COL5A1: variants seen among roughly 807,000 people sequenced by gnomAD.
COL5A1 encodes the protein collagen alpha-1(V) chain.
A neutral mutation model predicts 263.7 loss-of-function variants in COL5A1; 16 were observed. That is an observed-to-expected ratio of 0.06 (90% CI 0.04 to 0.09). COL5A1 has a LOEUF of 0.09. COL5A1 is among the 10% of genes least tolerant of loss of function. The probability of loss-of-function intolerance (pLI) is 1.00; values close to 1 mark genes in which losing one functional copy is unlikely to be tolerated. For synonymous variants in COL5A1, 1,012 were observed against 1,004.5 expected, an observed-to-expected ratio of 1.01 and a Z score of -0.14; for missense variants, 2,036 against 2,540.5, an observed-to-expected ratio of 0.80 and a Z score of 4.27.
At chr9:134,734,129 G>A (rs1835007563) in intron 9 of COL5A1, among the ~76,000 whole-genome samples, 1 of 152,172 alleles carries the variant, frequency 6.6e-6, no homozygotes, top group Non-Finnish European at 1.5e-5. Flanking sequence ...GGAGTGTGGG[G>A]TGGGCACAGG....
chr9:134,762,038 C>A, intron 19 of COL5A1, 60 bp downstream of exon 19: 1 of 1,566,200 alleles, frequency 6.4e-7, no homozygotes, highest in Non-Finnish European at 8.8e-7. Context: ...GTGATTTGGG[C>A]AGGAAAACCA....
Position 134,758,090 on chromosome 9 carries a change from T to G in COL5A1, c.1882-153T>G, listed in dbSNP as rs976201693. ...AGATTGTAGATGCAAAGTGGGGGCCTATGGGGAGAGGGCTGGCCGATGGGG... is the reference window on the plus strand; with the variant it reads ...AGATTGTAGATGCAAAGTGGGGGCCGATGGGGAGAGGGCTGGCCGATGGGG... On this transcript the variant is annotated intron_variant, in intron 17 of 65. Coordinates refer to ENST00000371817, the MANE Select transcript of COL5A1 (RefSeq NM_000093.5). This position sits in a 1 kb window ranked among gnomAD's most constrained non-coding sequence, Gnocchi z 4.1. Among the ~76,000 whole-genome samples, 3 of 152,070 alleles carry G rather than the reference T, an allele frequency of 2.0e-5. No individual in the cohort carries two copies. The highest frequency in any genetic ancestry group is 7.2e-5 in the African/African-American group (3 of 41,412).
At chr9:134,748,801 A>G (rs1338948899) in intron 11 of COL5A1, among the ~76,000 whole-genome samples, 3 of 152,208 alleles carry the variant, frequency 2.0e-5, no homozygotes, top group Non-Finnish European at 2.9e-5. Flanking sequence ...ACTGGAACCA[A>G]TCCAACGTGC....
At chr9:134,775,492 T>C (rs1275302441) in intron 27 of COL5A1, among the ~76,000 whole-genome samples, 2 of 152,200 alleles carry the variant, frequency 1.3e-5, no homozygotes, top group Non-Finnish European at 2.9e-5. Flanking sequence ...CCTCGTTACA[T>C]GGGGCGCACA....
chr9:134,767,842 C>A (rs4842161), intron 24 of COL5A1, among the ~76,000 whole-genome samples: 94,181 of 152,050 alleles, frequency 0.62, 31,046 homozygotes, highest in East Asian at 0.88. Flanking sequence ...CAGGTAGCTC[C>A]AAGTGCCTTG....
intron 18 of COL5A1, among the ~76,000 whole-genome samples, chr9:134,760,472 C>T (rs535394701): frequency 1.8e-5 from 2 of 113,202 alleles, no homozygotes; most frequent in Non-Finnish European, 3.4e-5. Context: ...CCCCCACATT[C>T]ATACACACAT....
At chr9:134,828,873 TCACA>T (rs534752124) in intron 63 of COL5A1, among the ~76,000 whole-genome samples, 5 of 148,968 alleles carry the variant, frequency 3.4e-5, no homozygotes, top group African/African-American at 7.5e-5. Context: ...ACACCACACA[TCACA>T]CACAGACCAC....
At chr9:134,780,223 T>A in intron 28 of COL5A1, 77 bp downstream of exon 28, 1 of 1,401,546 alleles carries the variant, frequency 7.1e-7, no homozygotes, top group Non-Finnish European at 1.0e-6. Flanking sequence ...CCTCCCACAA[T>A]GCTTCTTCCA....
chr9:134,690,816 G>C, intron 1 of COL5A1, 96 bp from the exon 2 acceptor site: 1 of 1,424,360 alleles, frequency 7.0e-7, no homozygotes, highest in Non-Finnish European at 9.8e-7. Context: ...TCACAGTGGT[G>C]GGGGTGGGGG....
At position 134,802,800 on chromosome 9, in the gene COL5A1, C is replaced by T. The variant is rs116214987; in HGVS notation, c.3007-88C>T. 1,016 of 1,007,266 alleles carry T rather than the reference C, an allele frequency of 1.0e-3. 8 individuals are homozygous for T. The African/African-American group carries it at 0.014, about 14-fold the overall frequency. 62.4% of individuals were successfully genotyped at this position (1,007,266 alleles called of 1,614,324 possible). A position where few individuals can be genotyped will look rare whatever the true frequency, so the allele number is the denominator to read the frequency against. ...CCGCAGCAGACCTTTGCGTCCATGA[C>T]CAGGGCTGTCCTTAGATTTAGGAAG... On this transcript the variant is annotated intron_variant, in intron 38 of 65. Transcript: ENST00000371817.
intron 4 of COL5A1, among the ~76,000 whole-genome samples, chr9:134,710,950 GC>G (rs538039982): frequency 1.9e-4 from 27 of 138,476 alleles, no homozygotes; most frequent in African/African-American, 7.0e-4. Context: ...TGGGGGAGGG[GC>G]CCCGTCTGTT....
intron 4 of COL5A1, among the ~76,000 whole-genome samples, chr9:134,723,185 C>T (rs1315200243): frequency 6.6e-6 from 1 of 152,180 alleles, no homozygotes; most frequent in Non-Finnish European, 1.5e-5. Flanking sequence ...GCTCAGCTCC[C>T]GACGACCGCC....
At chr9:134,767,080 G>C in intron 23 of COL5A1, 27 bp downstream of exon 23, 1 of 1,610,334 alleles carries the variant, frequency 6.2e-7, no homozygotes, top group Non-Finnish European at 8.5e-7. Flanking sequence ...GAGGCAGCTC[G>C]CAGGGATCCG....
rs770157869 is a variant in COL5A1 at position 134,691,070 on chromosome 9, C to T, written c.268C>T (p.Leu90=). The change falls in exon 2 of 66, where the codon CTG becomes TTG. Residue 90 remains leucine (L), a synonymous_variant. Coordinates refer to ENST00000371817, the MANE Select transcript of COL5A1 (RefSeq NM_000093.5). ...DAQLSAPTKQ[L]YPASAFPEDF... ...GCAGCTCAGCGCACCCACCAAGCAG[C>T]TGTACCCTGGTAAGTGCCGCACCCT... The T allele has an allele frequency of 1.2e-6, 2 of 1,613,234 alleles. No homozygotes were observed. The highest frequency in any genetic ancestry group is 3.3e-5 in the Admixed American group (2 of 60,028).
Position 134,760,701 on chromosome 9 carries a change from A to C in COL5A1, c.1936-1224A>C, listed in dbSNP as rs573934145. On this transcript the variant is annotated intron_variant, in intron 18 of 65. Coordinates refer to ENST00000371817, the MANE Select transcript of COL5A1 (RefSeq NM_000093.5). ...ACCCCCCACACTCATACATGCACAC[A>C]CACACCCACACACCCATACACACAT... Among the ~76,000 whole-genome samples the C allele has an allele frequency of 3.3e-3, 420 of 126,020 alleles. 3 individuals are homozygous for C. The highest frequency in any genetic ancestry group is 4.6e-3 in the Non-Finnish European group (282 of 61,172). 82.7% of individuals were successfully genotyped at this position (126,020 alleles called of 152,430 possible).
chr9:134,706,980 C>T lies in COL5A1; in HGVS notation c.654+5647C>T, dbSNP rs1317381484. ...GCACGGGGCTACCTGGCTGCTGATC[C>T]GGAGGGCTCCATGCACCTCTCTAGA... is the stretch of plus-strand genomic sequence containing the variant. On this transcript the variant is annotated intron_variant, in intron 4 of 65. Coordinates refer to ENST00000371817, the MANE Select transcript of COL5A1 (RefSeq NM_000093.5). Among the ~76,000 whole-genome samples the T allele has an allele frequency of 1.1e-4, 16 of 152,352 alleles. 1 individual carries two copies. The highest frequency in any genetic ancestry group is 7.8e-4 in the Admixed American group (12 of 15,308).
intron 50 of COL5A1, among the ~76,000 whole-genome samples, chr9:134,815,258 A>C (rs1838699661): frequency 6.6e-6 from 1 of 152,200 alleles, no homozygotes; most frequent in Admixed American, 6.5e-5. Context: ...CGGAAGTCTG[A>C]AGGTCCAGGT....
At chr9:134,829,496 G>T (rs1244519298) in intron 63 of COL5A1, among the ~76,000 whole-genome samples, 1 of 133,026 alleles carries the variant, frequency 7.5e-6, no homozygotes, top group African/African-American at 2.8e-5. Flanking sequence ...GGCTCCTCAC[G>T]CAGCCTCCAG....
At chr9:134,770,161 G>A (rs1836823849) in intron 25 of COL5A1, among the ~76,000 whole-genome samples, 1 of 152,248 alleles carries the variant, frequency 6.6e-6, no homozygotes, top group African/African-American at 2.4e-5. Flanking sequence ...AAATCTGGAG[G>A]AAAGAAAAGA....
Sources: gnomAD v4.1 joint callset for allele counts (sites outside exome capture counted in the v4.1 genomes callset) on GRCh38, gnomAD v4.1.1 for gene constraint, Gnocchi (gnomAD v3.1) non-coding constraint, MANE v1.5 for transcripts, NCBI Gene and HGNC (gene_info 2026-07-23, HGNC 2026-07-21) for gene names.